The following MYL3 variants were observed in gnomAD, a reference collection of about 807,000 sequenced individuals.
MYL3 encodes myosin light chain 3.
A neutral mutation model predicts 21.3 loss-of-function variants in MYL3; 11 were observed. The ratio of observed to expected loss-of-function variants is 0.52; its 90% CI spans 0.32 to 0.85. MYL3 has a LOEUF of 0.85. Among genes scored for constraint, MYL3 ranks in the 40% least tolerant of loss-of-function variants. The pLI, the probability that MYL3 is intolerant of heterozygous loss-of-function variation, is 0.03. For missense variants in MYL3, 206 were observed against 253.3 expected (o/e 0.81, Z 1.27); for synonymous variants, 88 against 91.6 (o/e 0.96, Z 0.22).
chr3:46,868,641 A>C (rs976952578), intron 1 of MYL3, among the ~76,000 whole-genome samples: 1 of 151,934 alleles, frequency 6.6e-6, no homozygotes, highest in South Asian at 2.1e-4. Context: ...ATTCAGCATG[A>C]GGGAGGGGTG....
Position 46,874,698 on chromosome 3 carries a change from C to A in MYL3, c.-218+7376G>T, listed in dbSNP as rs973393239. ...GAGAGGCGGAAACACGTGTCAAACA[C>A]GCCTGGGAGGGGGTATTCCGAGGCA... On this transcript the variant is annotated intron_variant, in intron 1 of 3. Transcript: ENST00000431168. The surrounding 1 kb of genome is among the most constrained non-coding windows in gnomAD (Gnocchi z 4.1). 5.0e-4 allele frequency among the ~76,000 whole-genome samples: 76 copies of A among 152,168 alleles called. No homozygotes were observed. The highest frequency in any genetic ancestry group is 9.8e-4 in the Non-Finnish European group (67 of 68,038).
In MYL3 at chr3:46,858,014, G is replaced by A; in HGVS notation, c.*101C>T. 1.6e-6 allele frequency: 1 copy of A among 619,442 alleles called. No individual in the cohort carries two copies. The highest frequency in any genetic ancestry group is 1.9e-5 in the South Asian group (1 of 53,150). 38.4% of individuals were successfully genotyped at this position (619,442 alleles called of 1,614,324 possible). A position where few individuals can be genotyped will look rare whatever the true frequency, so the allele number is the denominator to read the frequency against. On this transcript the variant is annotated 3_prime_UTR_variant, in exon 7 of 7. Coordinates refer to ENST00000292327, the MANE Select transcript of MYL3 (RefSeq NM_000258.3). Reference sequence around the variant, plus strand: ...GGGTTTTTGCAGGAGTCTTGGTAAGGCTCCCCTCCTTCCCACGACTCCAGG... The same window carrying A: ...GGGTTTTTGCAGGAGTCTTGGTAAGACTCCCCTCCTTCCCACGACTCCAGG...
intron 1 of MYL3, among the ~76,000 whole-genome samples, chr3:46,872,717 C>T (rs1388770522): frequency 6.6e-6 from 1 of 152,256 alleles, no homozygotes; most frequent in Non-Finnish European, 1.5e-5. Context: ...TCCTCTCTGC[C>T]AGCTCCAGGT....
rs1198197525 is a variant in MYL3, at chr3:46,857,981, A to G, written c.*134T>C. On this transcript the variant is annotated 3_prime_UTR_variant, in exon 7 of 7. Transcript: ENST00000292327. The surrounding 1 kb of genome is among the most constrained non-coding windows in gnomAD (Gnocchi z 5.0). ...GGCCAGAGACGGCAACCACGTGGAG[A>G]GGTCCAAGGGTTTTTGCAGGAGTCT... 5.3e-6 allele frequency: 3 copies of G among 567,870 alleles called. No homozygotes were observed. Among genetic ancestry groups the G allele is most frequent in the African/African-American group, 3.8e-5 (2 of 53,218 alleles). The allele number at this position is 567,870 out of a possible 1,614,324, so 35.2% of individuals were successfully genotyped here. A position where few individuals can be genotyped will look rare whatever the true frequency, so the allele number is the denominator to read the frequency against.
rs567295565 is a variant in MYL3, at chr3:46,879,987, C to T, written c.-218+2087G>A. Reference sequence around the variant, plus strand: ...CCGGGAGGTGGAGGTTGCAGTCAGCCGAGATCGCACCACTGCACTCCAGCC... The same window carrying T: ...CCGGGAGGTGGAGGTTGCAGTCAGCTGAGATCGCACCACTGCACTCCAGCC... On this transcript the variant is annotated intron_variant, in intron 1 of 3. Coordinates refer to the MYL3 transcript ENST00000431168. This position sits in a 1 kb window ranked among gnomAD's most constrained non-coding sequence, Gnocchi z 4.7. 2.6e-5 allele frequency among the ~76,000 whole-genome samples: 4 copies of T among 152,090 alleles called. No individual in the cohort carries two copies. Among genetic ancestry groups the T allele is most frequent in the South Asian group, 4.2e-4 (2 of 4,818 alleles).
chr3:46,881,921 G>GTCTC (rs1315745505), intron 1 of MYL3, among the ~76,000 whole-genome samples: 1 of 152,162 alleles, frequency 6.6e-6, no homozygotes, highest in Non-Finnish European at 1.5e-5. Flanking sequence ...TCGGCTCAGG[G>GTCTC]TCTCTATTCG....
chr3:46,860,730 G>A lies in MYL3; in HGVS notation c.253C>T (p.Gln85Ter), dbSNP rs1465707848. 6.2e-7 allele frequency: 1 copy of A among 1,614,120 alleles called. No homozygotes were observed. Among genetic ancestry groups the A allele is most frequent in the Non-Finnish European group, 8.5e-7 (1 of 1,180,012 alleles). ...QCGDVLRALGQNPTQAEVLRV... is the reference protein window; with the variant it reads ...QCGDVLRALG Reference sequence around the variant, plus strand: ...AGCACTTCTGCCTGTGTGGGGTTCTGGCCCAGCGCCCGCAGGACATCCCCA... The same window carrying A: ...AGCACTTCTGCCTGTGTGGGGTTCTAGCCCAGCGCCCGCAGGACATCCCCA... The change falls in exon 3 of 7, where the codon CAG becomes TAG. Residue 85 changes from glutamine to a stop codon, truncating the protein, a stop_gained. Transcript: ENST00000292327. LOFTEE classifies it high-confidence loss of function. This position sits in a 1 kb window ranked among gnomAD's most constrained non-coding sequence, Gnocchi z 4.6.
At chr3:46,880,702 G>C (rs1234593892) in intron 1 of MYL3, among the ~76,000 whole-genome samples, 1 of 152,164 alleles carries the variant, frequency 6.6e-6, no homozygotes, top group East Asian at 1.9e-4. Context: ...ACTCCAGCCT[G>C]GGTGACAAAG....
intron 1 of MYL3, among the ~76,000 whole-genome samples, chr3:46,869,606 G>A (rs572092070): frequency 6.6e-5 from 10 of 152,260 alleles, no homozygotes; most frequent in Non-Finnish European, 7.3e-5. Context: ...GAGGCCACAC[G>A]TGTGATTGTG....
At chr3:46,862,004 T>C (rs547691842) in intron 1 of MYL3, among the ~76,000 whole-genome samples, 2 of 152,280 alleles carry the variant, frequency 1.3e-5, no homozygotes, top group East Asian at 3.9e-4. Flanking sequence ...CTGAGAGCTC[T>C]CTCCACCAGG....
chr3:46,860,706 G>GCA lies in MYL3; in HGVS notation c.275_276dup (p.Leu93CysfsTer17). The GCA allele has an allele frequency of 6.2e-7, 1 of 1,614,116 alleles. No individual in the cohort carries two copies. The highest frequency in any genetic ancestry group is 8.5e-7 in the Non-Finnish European group (1 of 1,180,032). On this transcript the variant is annotated frameshift_variant, in exon 3 of 7. Transcript: ENST00000292327. LOFTEE classifies it high-confidence loss of function. This position sits in a 1 kb window ranked among gnomAD's most constrained non-coding sequence, Gnocchi z 4.6. The stretch of plus-strand genomic sequence containing the variant: ...TGTCTTGGCTTCCCCAGGACACGGA[G>GCA]CACTTCTGCCTGTGTGGGGTTCTGG...
chr3:46,863,360 CCTT>C lies in MYL3; in HGVS notation c.28_30del (p.Lys10del), dbSNP rs774336537. On this transcript the variant is annotated inframe_deletion, in exon 1 of 7. Coordinates refer to ENST00000292327, the MANE Select transcript of MYL3 (RefSeq NM_000258.3). ...GCCTTGGGGGCTGCCTTGGCATCATCCTTCTTGGGCTCTGGCTTTTTGGGGGCC... is the reference window on the plus strand; with the variant it reads ...GCCTTGGGGGCTGCCTTGGCATCATCCTTGGGCTCTGGCTTTTTGGGGGCC... 6.2e-7 allele frequency: 1 copy of C among 1,613,836 alleles called. No homozygotes were observed. The highest frequency in any genetic ancestry group is 1.1e-5 in the South Asian group (1 of 91,082).
upstream of MYL3, among the ~76,000 whole-genome samples, chr3:46,867,331 G>T (rs1009864055): frequency 6.6e-6 from 1 of 152,154 alleles, no homozygotes; most frequent in East Asian, 1.9e-4. Context: ...CCAGGACAAG[G>T]GCTGACGGAT....
At chr3:46,873,725 C>G (rs2030030112) in intron 1 of MYL3, among the ~76,000 whole-genome samples, 1 of 152,132 alleles carries the variant, frequency 6.6e-6, no homozygotes, top group Admixed American at 6.5e-5. Context: ...CCACAGCCCC[C>G]ACACCAGCTC....
chr3:46,858,128 A>AGAG, intron 6 of MYL3, 27 bp from the exon 7 acceptor site: 1 of 1,339,582 alleles, frequency 7.5e-7, no homozygotes, highest in Non-Finnish European at 1.1e-6. Context: ...TGCAGATTAC[A>AGAG]GAGGAGGAGG....
chr3:46,868,540 C>T (rs573762689), intron 1 of MYL3, among the ~76,000 whole-genome samples: 2 of 152,320 alleles, frequency 1.3e-5, no homozygotes, highest in East Asian at 1.9e-4. Context: ...CTATAATCAG[C>T]TCCTGCCCCT....
chr3:46,860,883 C>T lies in MYL3; in HGVS notation c.158-58G>A. The T allele has an allele frequency of 6.2e-7, 1 of 1,614,132 alleles. No individual in the cohort carries two copies. Among genetic ancestry groups the T allele is most frequent in the South Asian group, 1.1e-5 (1 of 91,082 alleles). On this transcript the variant is annotated intron_variant, in intron 2 of 6. Coordinates refer to ENST00000292327, the MANE Select transcript of MYL3 (RefSeq NM_000258.3). This position sits in a 1 kb window ranked among gnomAD's most constrained non-coding sequence, Gnocchi z 4.6. Reference sequence around the variant, plus strand: ...CCCAGGGTCAGCCTACCCCACTCCCCACACCCCTGGCAGGACCCTCAGACC... The same window carrying T: ...CCCAGGGTCAGCCTACCCCACTCCCTACACCCCTGGCAGGACCCTCAGACC...
At chr3:46,862,195 G>A (rs1701999675) in intron 1 of MYL3, among the ~76,000 whole-genome samples, 1 of 152,204 alleles carries the variant, frequency 6.6e-6, no homozygotes, top group Admixed American at 6.5e-5. Context: ...CGTGGCTGTG[G>A]TCACAGCCTC....
rs908313192 is a variant in MYL3, at chr3:46,860,592, T to C, written c.307+84A>G. The C allele has an allele frequency of 8.9e-6, 14 of 1,575,518 alleles. No individual in the cohort carries two copies. The African/African-American group carries it at 1.5e-4, about 17-fold the overall frequency. Reference sequence around the variant, plus strand: ...TGCGAGATGTCAGGAAAGATTCTCGTGCTATCCCGCAGGATGGATGGCAGC... The same window carrying C: ...TGCGAGATGTCAGGAAAGATTCTCGCGCTATCCCGCAGGATGGATGGCAGC... On this transcript the variant is annotated intron_variant, in intron 3 of 6. Transcript: ENST00000292327. This position sits in a 1 kb window ranked among gnomAD's most constrained non-coding sequence, Gnocchi z 4.6.
Sources: gnomAD v4.1 joint callset for allele counts (sites outside exome capture counted in the v4.1 genomes callset) on GRCh38, gnomAD v4.1.1 for gene constraint, Gnocchi (gnomAD v3.1) non-coding constraint, MANE v1.5 for transcripts, NCBI Gene and HGNC (gene_info 2026-07-23, HGNC 2026-07-21) for gene names.